PTPRK: variants seen among roughly 807,000 people sequenced by gnomAD.
The protein encoded by PTPRK is receptor-type tyrosine-protein phosphatase kappa.
PTPRK carries 75 observed loss-of-function variants against 178.0 expected under a neutral mutation model. That is an observed-to-expected ratio of 0.42 (90% CI 0.35 to 0.51). The LOEUF is 0.51. Among genes scored for constraint, PTPRK ranks in the 20% least tolerant of loss-of-function variants. PTPRK has a pLI of 0.02. For synonymous variants in PTPRK, 637 were observed against 620.6 expected (o/e 1.03, Z -0.39); for missense variants, 1,441 against 1,797.8 (o/e 0.80, Z 3.59).
chr6:128,418,660 C>T (rs1843107698), intron 1 of PTPRK, among the ~76,000 whole-genome samples: 1 of 152,046 alleles, frequency 6.6e-6, no homozygotes, highest in African/African-American at 2.4e-5. Flanking sequence ...AGGTTGTGAA[C>T]CACTGTCCTA....
At chr6:128,392,367 A>G (rs1257799437) in intron 2 of PTPRK, among the ~76,000 whole-genome samples, 1 of 152,190 alleles carries the variant, frequency 6.6e-6, no homozygotes, top group Non-Finnish European at 1.5e-5. Context: ...GTGGGATACA[A>G]TTCAGTCATA....
intron 29 of PTPRK, among the ~76,000 whole-genome samples, chr6:127,971,567 C>A (rs2114598972): frequency 6.6e-6 from 1 of 152,270 alleles, no homozygotes; most frequent in East Asian, 1.9e-4. Flanking sequence ...CCTCACCAAA[C>A]TCCTCAGCTC....
intron 3 of PTPRK, among the ~76,000 whole-genome samples, chr6:128,243,700 A>T (rs968602897): frequency 5.9e-5 from 9 of 151,974 alleles, no homozygotes; most frequent in African/African-American, 9.7e-5. Flanking sequence ...ACTCTAAAAA[A>T]AAATAACAAT....
At chr6:128,316,835 G>A (rs1169148607) in intron 3 of PTPRK, among the ~76,000 whole-genome samples, 1 of 151,108 alleles carries the variant, frequency 6.6e-6, no homozygotes, top group Non-Finnish European at 1.5e-5. Context: ...TCCTGCCTCA[G>A]CCTCCTGAGT....
chr6:128,342,319 T>A (rs996052087), intron 2 of PTPRK, among the ~76,000 whole-genome samples: 5 of 152,028 alleles, frequency 3.3e-5, no homozygotes, highest in Admixed American at 2.6e-4. Flanking sequence ...CACAAAAAAA[T>A]TTTTAAGTTA....
intron 6 of PTPRK, among the ~76,000 whole-genome samples, chr6:128,186,832 A>G (rs1247485124): frequency 1.3e-5 from 2 of 152,134 alleles, no homozygotes; most frequent in African/African-American, 4.8e-5. Context: ...AGAAGTGAAC[A>G]TAATAGAAAA....
intron 10 of PTPRK, among the ~76,000 whole-genome samples, chr6:128,079,927 C>T (rs1312371719): frequency 1.3e-5 from 2 of 151,944 alleles, no homozygotes; most frequent in East Asian, 3.9e-4. Flanking sequence ...AGCCCCTCTA[C>T]CCTAGAGTTT....
chr6:128,232,698 G>C (rs1325603859), intron 5 of PTPRK, among the ~76,000 whole-genome samples: 1 of 152,170 alleles, frequency 6.6e-6, no homozygotes, highest in Non-Finnish European at 1.5e-5. Flanking sequence ...CAAATCTCAA[G>C]ATATATTTGT....
At chr6:128,411,646 A>G (rs1842321755) in intron 1 of PTPRK, among the ~76,000 whole-genome samples, 2 of 152,236 alleles carry the variant, frequency 1.3e-5, no homozygotes, top group Admixed American at 1.3e-4. Context: ...ATGGATCTCA[A>G]AGGGGACTAA....
intron 2 of PTPRK, among the ~76,000 whole-genome samples, chr6:128,366,931 C>T (rs1835575855): frequency 6.6e-6 from 1 of 152,110 alleles, no homozygotes; most frequent in South Asian, 2.1e-4. Flanking sequence ...TCTTTGGATT[C>T]AGAGGATGAC....
chr6:127,990,076 C>T (rs1297014828), intron 21 of PTPRK, among the ~76,000 whole-genome samples: 1 of 152,088 alleles, frequency 6.6e-6, no homozygotes, highest in East Asian at 1.9e-4. Flanking sequence ...AAATAAAATT[C>T]AGACCATGTT....
At chr6:128,361,867 T>C (rs2128342691) in intron 2 of PTPRK, among the ~76,000 whole-genome samples, 1 of 152,322 alleles carries the variant, frequency 6.6e-6, no homozygotes, top group Admixed American at 6.5e-5. Context: ...GGCATTTTTG[T>C]CAATCAAATG....
chr6:128,038,466 C>A (rs1022072513), intron 13 of PTPRK, among the ~76,000 whole-genome samples: 1 of 152,234 alleles, frequency 6.6e-6, no homozygotes, highest in South Asian at 2.1e-4. Flanking sequence ...TATTTTGACA[C>A]ACTTTACTTT....
intron 2 of PTPRK, among the ~76,000 whole-genome samples, chr6:128,371,766 TG>T (rs1465472832): frequency 6.6e-6 from 1 of 151,582 alleles, no homozygotes; most frequent in African/African-American, 2.4e-5. Flanking sequence ...TTCCAGCTAC[TG>T]GGGGAAGGGG....
At chr6:127,980,051 C>T (rs1775110515) in intron 25 of PTPRK, among the ~76,000 whole-genome samples, 1 of 152,180 alleles carries the variant, frequency 6.6e-6, no homozygotes, top group African/African-American at 2.4e-5. Context: ...TGGCTTACGC[C>T]TGTAATCCCA....
At chr6:128,270,745 C>G (rs1029903145) in intron 3 of PTPRK, among the ~76,000 whole-genome samples, 3 of 152,034 alleles carry the variant, frequency 2.0e-5, no homozygotes, top group African/African-American at 7.3e-5. Context: ...AGATAGTACA[C>G]ATTTCTTCAA....
intron 7 of PTPRK, among the ~76,000 whole-genome samples, chr6:128,132,472 C>T (rs1172878876): frequency 6.6e-6 from 1 of 152,242 alleles, no homozygotes; most frequent in African/African-American, 2.4e-5. Context: ...GCGCCCAGCC[C>T]AGGCTGTGTG....
intron 13 of PTPRK, among the ~76,000 whole-genome samples, chr6:128,014,787 A>G (rs1779424142): frequency 1.3e-5 from 2 of 151,700 alleles, no homozygotes; most frequent in Middle Eastern, 6.8e-3. Flanking sequence ...GGGTGTCTTG[A>G]AGTATGTATT....
chr6:128,329,780 T>TACACAC (rs138631965), intron 2 of PTPRK, among the ~76,000 whole-genome samples: 1 of 144,468 alleles, frequency 6.9e-6, no homozygotes, highest in Non-Finnish European at 1.5e-5. Flanking sequence ...TCCAGAAACA[T>TACACAC]ACACACACAC....
Sources: gnomAD v4.1 joint callset for allele counts (sites outside exome capture counted in the v4.1 genomes callset) on GRCh38, gnomAD v4.1.1 for gene constraint, MANE v1.5 for transcripts, NCBI Gene and HGNC (gene_info 2026-07-23, HGNC 2026-07-21) for gene names.